The following SORL1 variants were observed in gnomAD, a reference collection of about 807,000 sequenced individuals.
SORL1 encodes sortilin-related receptor.
SORL1 carries 127 observed loss-of-function variants against 273.7 expected under a neutral mutation model. That is an observed-to-expected ratio of 0.46 (90% confidence interval 0.40 to 0.54). SORL1 has a LOEUF of 0.54. Among genes scored for constraint, SORL1 ranks in the 20% least tolerant of loss-of-function variants. SORL1 has a pLI of 0.00. For synonymous variants in SORL1, 1,031 were observed against 1,067.4 expected, an observed-to-expected ratio of 0.97 and a Z score of 0.66; for missense variants, 2,494 against 2,846.1, an observed-to-expected ratio of 0.88 and a Z score of 2.81.
chr11:121,627,524 G>A lies in SORL1; in HGVS notation c.6365-31G>A, dbSNP rs1384378599. 7 of 1,591,038 alleles carry A rather than the reference G, an allele frequency of 4.4e-6. No individual in the cohort carries two copies. The East Asian group carries it at 1.6e-4, about 36-fold the overall frequency. Reference sequence around the variant, plus strand: ...CTGGTCTGTTCTCCTGCCCTCAGGTGGGCTTATTGGTGGGAACTTTGCCTT... The same window carrying A: ...CTGGTCTGTTCTCCTGCCCTCAGGTAGGCTTATTGGTGGGAACTTTGCCTT... On this transcript the variant is annotated intron_variant, in intron 46 of 47. Transcript: ENST00000260197. This position sits in a 1 kb window ranked among gnomAD's most constrained non-coding sequence, Gnocchi z 4.9.
At chr11:121,600,331 G>A (rs1247011091) in intron 32 of SORL1, among the ~76,000 whole-genome samples, 1 of 152,136 alleles carries the variant, frequency 6.6e-6, no homozygotes, top group Non-Finnish European at 1.5e-5. Context: ...TCTCATCAGG[G>A]AAGAATACAC....
chr11:121,559,723 A>C (rs927400267), intron 21 of SORL1, 66 bp downstream of exon 21: 1 of 1,500,860 alleles, frequency 6.7e-7, no homozygotes, highest in African/African-American at 1.4e-5. Flanking sequence ...CGTGTGGCCA[A>C]TCTCTGCTCA....
Position 121,576,830 on chromosome 11 carries a change from A to G in SORL1, c.3461-451A>G, listed in dbSNP as rs1210799300. ...CTGATTTTACTCTCTCTGACTGAGCATCTCACGGTGATCAGCTCATGCAGA... is the reference window on the plus strand; with the variant it reads ...CTGATTTTACTCTCTCTGACTGAGCGTCTCACGGTGATCAGCTCATGCAGA... On this transcript the variant is annotated intron_variant, in intron 24 of 47. Transcript: ENST00000260197. The G allele has an allele frequency of 6.5e-6, 10 of 1,533,318 alleles. No homozygotes were observed. The African/African-American group carries it at 1.1e-4, about 17-fold the overall frequency. 95.0% of individuals were successfully genotyped at this position (1,533,318 alleles called of 1,614,324 possible).
At chr11:121,485,700 C>T (rs953863776) in intron 3 of SORL1, among the ~76,000 whole-genome samples, 6 of 152,148 alleles carry the variant, frequency 3.9e-5, no homozygotes, top group Non-Finnish European at 8.8e-5. Flanking sequence ...GCTTCCTTCC[C>T]CAATAACCTA....
rs796162083 is a variant in SORL1 at position 121,601,583 on chromosome 11, G to T, written c.4520-2610G>T. 5.6e-3 allele frequency among the ~76,000 whole-genome samples: 770 copies of T among 137,032 alleles called. 7 individuals are homozygous for T. Among genetic ancestry groups the T allele is most frequent in the African/African-American group, 0.019 (687 of 36,570 alleles). 89.9% of individuals were successfully genotyped at this position (137,032 alleles called of 152,430 possible). Reference sequence around the variant, plus strand: ...GTTGTTTCCTGACTTTTTAATGATTGTTTTTTTTTTTTTTTTTAAGAAACA... The same window carrying T: ...GTTGTTTCCTGACTTTTTAATGATTTTTTTTTTTTTTTTTTTTAAGAAACA... On this transcript the variant is annotated intron_variant, in intron 32 of 47. Coordinates refer to ENST00000260197, the MANE Select transcript of SORL1 (RefSeq NM_003105.6).
chr11:121,470,260 T>A lies in SORL1; in HGVS notation c.402+137T>A, dbSNP rs542707843. 2.2e-4 allele frequency: 161 copies of A among 723,130 alleles called. No homozygotes were observed. The African/African-American group carries it at 2.4e-3, about 11-fold the overall frequency. 44.8% of individuals were successfully genotyped at this position (723,130 alleles called of 1,614,324 possible). A position where few individuals can be genotyped will look rare whatever the true frequency, so the allele number is the denominator to read the frequency against. On this transcript the variant is annotated intron_variant, in intron 2 of 47. Coordinates refer to ENST00000260197, the MANE Select transcript of SORL1 (RefSeq NM_003105.6). ...ATGAATTGTATGACAGGGAAGATAA[T>A]CTAGAAAATGATATATCCCTTGTTT...
intron 5 of SORL1, among the ~76,000 whole-genome samples, chr11:121,494,353 T>C (rs535020301): frequency 2.0e-5 from 3 of 152,324 alleles, no homozygotes; most frequent in African/African-American, 7.2e-5. Flanking sequence ...AATAATGATA[T>C]ACATTTGTTC....
chr11:121,461,500 C>T (rs529528984), intron 1 of SORL1, among the ~76,000 whole-genome samples: 36 of 152,308 alleles, frequency 2.4e-4, no homozygotes, highest in African/African-American at 8.4e-4. Context: ...TAATGCACTC[C>T]CCCTTCTCCA....
At chr11:121,619,025 T>G (rs1863682789) in intron 42 of SORL1, 132 bp downstream of exon 42, 1 of 887,762 alleles carries the variant, frequency 1.1e-6, no homozygotes, top group East Asian at 2.5e-5. Flanking sequence ...CAACTTCCTC[T>G]TCTTCATAAG....
chr11:121,562,030 C>A (rs1221758842), intron 21 of SORL1, among the ~76,000 whole-genome samples: 1 of 152,126 alleles, frequency 6.6e-6, no homozygotes, highest in Non-Finnish European at 1.5e-5. Context: ...TTTGCTCTAA[C>A]CTGCTTGCTT....
chr11:121,471,505 A>G (rs1456979945), intron 2 of SORL1, among the ~76,000 whole-genome samples: 1 of 152,202 alleles, frequency 6.6e-6, no homozygotes, highest in Non-Finnish European at 1.5e-5. Flanking sequence ...CTGGGGTCTG[A>G]CACTGTGGCA....
In SORL1 at chr11:121,631,783, A is replaced by C. The variant is rs976707592; in HGVS notation, c.*2220A>C. 1 of 152,246 alleles carries C rather than the reference A, an allele frequency of 6.6e-6. No individual in the cohort carries two copies. The highest frequency in any genetic ancestry group is 2.4e-5 in the African/African-American group (1 of 41,456). The allele number at this position is 152,246 out of a possible 1,614,324, so 9.4% of individuals were successfully genotyped here. Reference sequence around the variant, plus strand: ...AAAATGCCACTGTGCTGTTTGAAAAAAAGCAGCCTTTTAGGGCTAGAGTAT... The same window carrying C: ...AAAATGCCACTGTGCTGTTTGAAAACAAGCAGCCTTTTAGGGCTAGAGTAT... On this transcript the variant is annotated 3_prime_UTR_variant, in exon 48 of 48. Coordinates refer to ENST00000260197, the MANE Select transcript of SORL1 (RefSeq NM_003105.6).
At chr11:121,534,818 G>A (rs2134874607) in intron 12 of SORL1, among the ~76,000 whole-genome samples, 1 of 152,326 alleles carries the variant, frequency 6.6e-6, no homozygotes, top group African/African-American at 2.4e-5. Flanking sequence ...GCTGGGCTAG[G>A]GCCTCAGGCC....
intron 2 of SORL1, among the ~76,000 whole-genome samples, chr11:121,474,593 C>T (rs1861231098): frequency 6.6e-6 from 1 of 152,180 alleles, no homozygotes; most frequent in Non-Finnish European, 1.5e-5. Flanking sequence ...TCAGTAACTC[C>T]TCCCCTGTGC....
chr11:121,599,405 A>G (rs1465111912), intron 32 of SORL1, among the ~76,000 whole-genome samples: 1 of 152,198 alleles, frequency 6.6e-6, no homozygotes, highest in Non-Finnish European at 1.5e-5. Flanking sequence ...TTAGCTGGGC[A>G]TGGCGGCGCA....
Position 121,629,778 on chromosome 11 carries a change from A to G in SORL1, c.*215A>G, listed in dbSNP as rs987633956. ...AAACCAGGTTGATTTTAGTAACCCA[A>G]TTGCTTTGATTTGACATTAATGTAG... is the stretch of plus-strand genomic sequence containing the variant. On this transcript the variant is annotated 3_prime_UTR_variant, in exon 48 of 48. Coordinates refer to ENST00000260197, the MANE Select transcript of SORL1 (RefSeq NM_003105.6). 10 of 549,678 alleles carry G rather than the reference A, an allele frequency of 1.8e-5. No homozygotes were observed. Among genetic ancestry groups the G allele is most frequent in the African/African-American group, 7.6e-5 (4 of 52,684 alleles). The allele number at this position is 549,678 out of a possible 1,614,324, so 34.1% of individuals were successfully genotyped here.
chr11:121,615,656 C>T (rs548380663), intron 41 of SORL1, among the ~76,000 whole-genome samples: 5 of 152,116 alleles, frequency 3.3e-5, no homozygotes, highest in South Asian at 2.1e-4. Flanking sequence ...TAGTGATGAG[C>T]GGAGGAACTA....
At chr11:121,519,168 G>A (rs76564937) in intron 8 of SORL1, among the ~76,000 whole-genome samples, 1 of 151,850 alleles carries the variant, frequency 6.6e-6, no homozygotes, top group Non-Finnish European at 1.5e-5. Flanking sequence ...GGATGGTCTC[G>A]ATCTCTTGAC....
At chr11:121,608,472 T>C in intron 38 of SORL1, 1 of 326,264 alleles carries the variant, frequency 3.1e-6, no homozygotes, top group Non-Finnish European at 5.6e-6. Flanking sequence ...ATATCTAAAA[T>C]AGAAGGAGTC....
Sources: gnomAD v4.1 joint callset for allele counts (sites outside exome capture counted in the v4.1 genomes callset) on GRCh38, gnomAD v4.1.1 for gene constraint, Gnocchi (gnomAD v3.1) non-coding constraint, MANE v1.5 for transcripts, NCBI Gene and HGNC (gene_info 2026-07-23, HGNC 2026-07-21) for gene names.